The following ZFYVE26 variants were observed in gnomAD, a reference collection of about 807,000 sequenced individuals.
The protein encoded by ZFYVE26 is zinc finger FYVE domain-containing protein 26.
In ZFYVE26, 181 loss-of-function variants were observed where a neutral mutation model predicts 276.5. The ratio of observed to expected loss-of-function variants is 0.65; its 90% confidence interval spans 0.58 to 0.74. The LOEUF is 0.74. Among genes scored for constraint, ZFYVE26 ranks in the 30% least tolerant of loss-of-function variants. The probability of loss-of-function intolerance (pLI) is 0.00; values close to 1 mark genes in which losing one functional copy is unlikely to be tolerated. For synonymous variants in ZFYVE26, 1,129 were observed against 1,203.1 expected, an observed-to-expected ratio of 0.94 and a Z score of 1.27; for missense variants, 2,821 against 3,097.9, an observed-to-expected ratio of 0.91 and a Z score of 2.12.
rs1424411169 is a variant in ZFYVE26, at chr14:67,772,088, C to CAGG, written c.5442_5443insCCT (p.Thr1814_Glu1815insPro). Reference sequence around the variant, plus strand: ...CTGCAGCAGACCATGCAGATACTCTCAGTCTCATCCGGTACCCACTGGTGC... The same window carrying CAGG: ...CTGCAGCAGACCATGCAGATACTCTCAGGAGTCTCATCCGGTACCCACTGGTGC... On this transcript the variant is annotated inframe_insertion, in exon 28 of 42. Transcript: ENST00000347230. 6.2e-7 allele frequency: 1 copy of CAGG among 1,612,290 alleles called. No homozygotes were observed. Among genetic ancestry groups the CAGG allele is most frequent in the African/African-American group, 1.3e-5 (1 of 74,994 alleles).
chr14:67,785,242 G>A lies in ZFYVE26; in HGVS notation c.3340C>T (p.Gln1114Ter), dbSNP rs1329201909. ...GCCTCTGGAGCTTTCTGGGCTGCCT[G>A]CTCCACCAGGGAAGACAGTGGAGGA... ...RTPPLSSLVE[Q>*]AAQKAPEAEA... The change falls in exon 19 of 42, where the codon CAG (glutamine) becomes TAG (stop). Residue 1114 changes from glutamine (Q) to a stop codon, truncating the protein, a stop_gained. Transcript: ENST00000347230. LOFTEE classifies it high-confidence loss of function. The A allele has an allele frequency of 3.1e-6, 5 of 1,612,558 alleles. No homozygotes were observed. Among genetic ancestry groups the A allele is most frequent in the Non-Finnish European group, 4.2e-6 (5 of 1,179,176 alleles).
intron 6 of ZFYVE26, among the ~76,000 whole-genome samples, chr14:67,806,086 T>C (rs1179827736): frequency 1.3e-5 from 2 of 152,196 alleles, no homozygotes; most frequent in African/African-American, 4.8e-5. Flanking sequence ...AACACTAGAC[T>C]GTGAGCTCCC....
intron 34 of ZFYVE26, 85 bp from the exon 35 acceptor site, chr14:67,761,669 A>G: frequency 2.5e-6 from 3 of 1,202,866 alleles, no homozygotes; most frequent in Middle Eastern, 2.0e-4. Context: ...AAGAATATTT[A>G]ACAATGTGCA....
chr14:67,789,549 G>C lies in ZFYVE26; in HGVS notation c.2805C>G (p.Thr935=), dbSNP rs772761310. Residue 935 remains threonine (T), a synonymous_variant, in exon 16 of 42, where the codon ACC becomes ACG. Transcript: ENST00000347230. ...GGAGCATGGGGATGGGGTCTCCAGAGGTGTTGAGCAGCTTGTCAGTCACGT... is the reference window on the plus strand; with the variant it reads ...GGAGCATGGGGATGGGGTCTCCAGACGTGTTGAGCAGCTTGTCAGTCACGT... ...ISDVTDKLLN[T]SGDPIPMLQE... is the part of the protein sequence containing the mutation. The C allele has an allele frequency of 1.2e-6, 2 of 1,614,042 alleles. No individual in the cohort carries two copies. The highest frequency in any genetic ancestry group is 2.2e-5 in the South Asian group (2 of 91,086).
chr14:67,735,276 C>T, intron 13 of ZFYVE26: 2 of 980,276 alleles, frequency 2.0e-6, no homozygotes, highest in East Asian at 4.8e-5. Flanking sequence ...TTCAGAATCG[C>T]CTCGTGCTCA....
intron 25 of ZFYVE26, 24 bp downstream of exon 25, chr14:67,777,535 C>T: frequency 4.3e-6 from 7 of 1,613,082 alleles, no homozygotes; most frequent in Non-Finnish European, 5.9e-6. Context: ...CATACAGCGC[C>T]TGGATTTCAC....
Position 67,761,573 on chromosome 14 carries a change from A to T in ZFYVE26, c.6381T>A (p.Asp2127Glu). The change falls in exon 35 of 42, where the codon GAT becomes GAA. Residue 2127 changes from aspartate (D) to glutamate (E), a missense_variant. Asp to Glu is a conservative substitution (Grantham distance 45). Coordinates refer to ENST00000347230, the MANE Select transcript of ZFYVE26 (RefSeq NM_015346.4). Reference protein sequence around the residue: ...VRPFVSLQDDDYFATLRELEA... With the variant: ...VRPFVSLQDDEYFATLRELEA... Reference sequence around the variant, plus strand: ...CCAGTTCCCTCAGGGTGGCAAAGTAATCGTCATCTTGCTGACAGCACAGGG... The same window carrying T: ...CCAGTTCCCTCAGGGTGGCAAAGTATTCGTCATCTTGCTGACAGCACAGGG... 6.2e-7 allele frequency: 1 copy of T among 1,614,100 alleles called. No homozygotes were observed. Among genetic ancestry groups the T allele is most frequent in the Non-Finnish European group, 8.5e-7 (1 of 1,180,002 alleles).
Position 67,790,615 on chromosome 14 carries a change from A to G in ZFYVE26, c.2712T>C (p.Ser904=), listed in dbSNP as rs755854107. The G allele has an allele frequency of 1.6e-5, 26 of 1,614,030 alleles. No individual in the cohort carries two copies. The Admixed American group carries it at 1.8e-4, about 11-fold the overall frequency. Residue 904 remains serine, a synonymous_variant, in exon 15 of 42, where the codon AGT becomes AGC. Coordinates refer to ENST00000347230, the MANE Select transcript of ZFYVE26 (RefSeq NM_015346.4). The stretch of plus-strand genomic sequence containing the variant: ...CAATGGCCTGTAGAGTTGAGCGGCC[A>G]CTGCCAGTTCTCCGAATGGTGCTGC... ...AGSSTIRRTG[S]GRSTLQAIGS...
intron 32 of ZFYVE26, among the ~76,000 whole-genome samples, chr14:67,764,676 TGCAAA>T (rs2039013343): frequency 6.6e-6 from 1 of 152,176 alleles, no homozygotes; most frequent in African/African-American, 2.4e-5. Flanking sequence ...AACAAACTGG[TGCAAA>T]GGGAAAGATT....
In ZFYVE26 at chr14:67,802,783, G is replaced by GA. The variant is rs902334571; in HGVS notation, c.1436-502dup. Reference sequence around the variant, plus strand: ...GTTAAACAAGCTGCCTATCTTTCCAGAAAAAAAAAACATGGAATGTAATAA... The same window carrying GA: ...GTTAAACAAGCTGCCTATCTTTCCAGAAAAAAAAAAACATGGAATGTAATAA... On this transcript the variant is annotated intron_variant, in intron 9 of 41. Coordinates refer to ENST00000347230, the MANE Select transcript of ZFYVE26 (RefSeq NM_015346.4). Among the ~76,000 whole-genome samples, 412 of 147,154 alleles carry GA rather than the reference G, an allele frequency of 2.8e-3. 2 individuals are homozygous for GA. The highest frequency in any genetic ancestry group is 4.1e-3 in the Non-Finnish European group (273 of 66,528).
At position 67,762,429 on chromosome 14, in the gene ZFYVE26, C is replaced by T; in HGVS notation, c.6160-17G>A. The T allele has an allele frequency of 6.2e-7, 1 of 1,609,520 alleles. No individual in the cohort carries two copies. Among genetic ancestry groups the T allele is most frequent in the Non-Finnish European group, 8.5e-7 (1 of 1,177,630 alleles). ...TGTGGAGACCTGGGAGAAAAATTGCCCCTTTTAGTGAGTGGTAGCTACATT... is the reference window on the plus strand; with the variant it reads ...TGTGGAGACCTGGGAGAAAAATTGCTCCTTTTAGTGAGTGGTAGCTACATT... On this transcript the variant is annotated splice_polypyrimidine_tract_variant and intron_variant, in intron 33 of 41. Transcript: ENST00000347230.
chr14:67,774,968 C>T (rs774416615), intron 27 of ZFYVE26, 48 bp downstream of exon 27: 3 of 1,362,178 alleles, frequency 2.2e-6, no homozygotes, highest in Non-Finnish European at 3.1e-6. Flanking sequence ...TAGAATAAGG[C>T]AAGACTAAAC....
At position 67,729,318 on chromosome 14, in the gene ZFYVE26, G is replaced by A; in HGVS notation, n.3181C>T. 6.2e-7 allele frequency: 1 copy of A among 1,600,328 alleles called. No homozygotes were observed. The highest frequency in any genetic ancestry group is 8.5e-7 in the Non-Finnish European group (1 of 1,179,884). ...TTGTCAAGACGGCACGGGAGGGGGC[G>A]CAGACCAGCCTGCACTGCGCCCTGG... On this transcript the variant is annotated non_coding_transcript_exon_variant, in exon 14 of 15. Coordinates refer to the ZFYVE26 transcript ENST00000394455.
At chr14:67,780,119 T>A in intron 23 of ZFYVE26, 122 bp downstream of exon 23, 2 of 952,152 alleles carry the variant, frequency 2.1e-6, no homozygotes, top group Non-Finnish European at 3.3e-6. Context: ...TCGGCCAGAA[T>A]GTGGTATAGT....
chr14:67,756,704 C>T (rs780998639), intron 35 of ZFYVE26, among the ~76,000 whole-genome samples: 8 of 152,188 alleles, frequency 5.3e-5, no homozygotes, highest in Admixed American at 4.6e-4. Flanking sequence ...CCCAGGGCTT[C>T]GGAGGAACCT....
exon 14 of ZFYVE26, chr14:67,729,540 T>C (rs145398788): frequency 0.013 from 9,160 of 723,106 alleles, 87 homozygotes; most frequent in Non-Finnish European, 0.018. Context: ...TAAGGAAACT[T>C]ACAGTACAAA....
chr14:67,809,782 CTTT>C (rs58842467), intron 3 of ZFYVE26, among the ~76,000 whole-genome samples: 9,030 of 119,864 alleles, frequency 0.075, 546 homozygotes, highest in African/African-American at 0.19. Flanking sequence ...ATTCTTTTCT[CTTT>C]TTTTTTTTTT....
chr14:67,761,967 T>A (rs1048962667), intron 34 of ZFYVE26: 2 of 584,642 alleles, frequency 3.4e-6, no homozygotes, highest in Non-Finnish European at 6.0e-6. Flanking sequence ...TCATATGTCA[T>A]TTTTATCTTT....
rs779304505 is a variant in ZFYVE26 at position 67,807,583 on chromosome 14, A to G, written c.701T>C (p.Val234Ala). Residue 234 changes from valine (V) to alanine (A), a missense_variant, in exon 5 of 42, where the codon GTT becomes GCT. By Grantham distance (64) the Val-to-Ala change is moderately conservative. Coordinates refer to ENST00000347230, the MANE Select transcript of ZFYVE26 (RefSeq NM_015346.4). ...TTCCTCACACAGGAGATGCAACTCA[A>G]CCCCAAGTGGTTCTGCGGGGCAACG... is the stretch of plus-strand genomic sequence containing the variant. The part of the protein sequence containing the change: ...TLRCPAEPLG[V>A]ELHLLCEELL... The G allele has an allele frequency of 6.2e-7, 1 of 1,614,078 alleles. No homozygotes were observed. Among genetic ancestry groups the G allele is most frequent in the Non-Finnish European group, 8.5e-7 (1 of 1,180,008 alleles).
Sources: gnomAD v4.1 joint callset for allele counts (sites outside exome capture counted in the v4.1 genomes callset) on GRCh38, gnomAD v4.1.1 for gene constraint, MANE v1.5 for transcripts, NCBI Gene and HGNC (gene_info 2026-07-23, HGNC 2026-07-21) for gene names.